ERCC4: variants seen among roughly 807,000 people sequenced by gnomAD.
The protein encoded by ERCC4 is ERCC excision repair 4, endonuclease catalytic subunit.
ERCC4 carries 65 observed loss-of-function variants against 76.9 expected under a neutral mutation model. That is an observed-to-expected ratio of 0.84 (90% CI 0.69 to 1.04). The LOEUF (loss-of-function observed/expected upper bound fraction) is 1.04. Ranked by LOEUF, ERCC4 falls within the 50% of genes least tolerant of loss-of-function variation. The probability of loss-of-function intolerance (pLI) is 0.00; values close to 1 mark genes in which losing one functional copy is unlikely to be tolerated. For missense variants in ERCC4, 1,214 were observed against 1,128.2 expected (o/e 1.08, Z -1.09); for synonymous variants, 463 against 410.1 (o/e 1.13, Z -1.56).
intron 2 of ERCC4, among the ~76,000 whole-genome samples, chr16:13,926,142 C>A (rs1050282130): frequency 3.9e-5 from 6 of 152,236 alleles, no homozygotes; most frequent in Admixed American, 2.6e-4. Flanking sequence ...TCATGACCTA[C>A]TTTGCTTTCA....
At chr16:13,945,345 C>T (rs1286639845) in intron 10 of ERCC4, among the ~76,000 whole-genome samples, 2 of 152,282 alleles carry the variant, frequency 1.3e-5, no homozygotes, top group South Asian at 2.1e-4. Flanking sequence ...GTGTCTGGTA[C>T]GCATTGCTGT....
rs1339690365 is a variant in ERCC4, at chr16:13,951,931, C to G, written c.*3584C>G. Reference sequence around the variant, plus strand: ...CAGGATGGAGTATATTAAAATTAAGCCAGGCTTTGACGTGAATTATCACTT... The same window carrying G: ...CAGGATGGAGTATATTAAAATTAAGGCAGGCTTTGACGTGAATTATCACTT... On this transcript the variant is annotated 3_prime_UTR_variant, in exon 11 of 11. Coordinates refer to ENST00000311895, the MANE Select transcript of ERCC4 (RefSeq NM_005236.3). The G allele has an allele frequency of 4.7e-5, 10 of 214,308 alleles. No homozygotes were observed. The highest frequency in any genetic ancestry group is 9.4e-6 in the Non-Finnish European group (1 of 106,320). The allele number at this position is 214,308 out of a possible 1,614,324, so 13.3% of individuals were successfully genotyped here.
rs373570729 is a variant in ERCC4 at position 13,930,716 on chromosome 16, C to T, written c.799C>T (p.Arg267Cys). The change falls in exon 5 of 11, where the codon CGC (arginine) becomes TGC (cysteine). Residue 267 changes from arginine to cysteine, a missense_variant. Arg to Cys is a radical substitution (Grantham distance 180, BLOSUM62 -3). Transcript: ENST00000311895. ...AATTTTATTCTTGTTTTAGACAATC[C>T]GCCATTATCTGGATCCTTTGTGGCA... is the stretch of plus-strand genomic sequence containing the variant. ...AIGKPFDKTI[R>C]HYLDPLWHQL... 57 of 1,612,436 alleles carry T rather than the reference C, an allele frequency of 3.5e-5. No individual in the cohort carries two copies. In the Middle Eastern group the frequency reaches 4.9e-4, roughly 14 times the overall value.
Position 13,948,509 on chromosome 16 carries a change from A to G in ERCC4, c.*162A>G, listed in dbSNP as rs998505217. The stretch of plus-strand genomic sequence containing the variant: ...GCCAGGATTCCTCTCTGAACTCTGC[A>G]GTTAGGCATCACTTGAACTTGCCTG... On this transcript the variant is annotated 3_prime_UTR_variant, in exon 11 of 11. Transcript: ENST00000311895. The G allele has an allele frequency of 1.2e-6, 1 of 820,448 alleles. No individual in the cohort carries two copies. Among genetic ancestry groups the G allele is most frequent in the African/African-American group, 1.7e-5 (1 of 58,376 alleles). The allele number at this position is 820,448 out of a possible 1,614,324, so 50.8% of individuals were successfully genotyped here. A position where few individuals can be genotyped will look rare whatever the true frequency, so the allele number is the denominator to read the frequency against.
Position 13,935,632 on chromosome 16 carries a change from C to T in ERCC4, c.1700C>T (p.Thr567Ile). 2.5e-6 allele frequency: 4 copies of T among 1,614,020 alleles called. No homozygotes were observed. Among genetic ancestry groups the T allele is most frequent in the Non-Finnish European group, 3.4e-6 (4 of 1,179,920 alleles). Residue 567 changes from threonine to isoleucine, a missense_variant, in exon 8 of 11, where the codon ACA becomes ATA. By Grantham distance (89) the Thr-to-Ile change is moderately conservative. Coordinates refer to ENST00000311895, the MANE Select transcript of ERCC4 (RefSeq NM_005236.3). ...LLGCSDPYAL[T>I]RVLHEVEPRY... ...GGTTGCAGCGACCCCTATGCTCTGA[C>T]AAGGGTACTACATGAAGTGGAGCCA... is the stretch of plus-strand genomic sequence containing the variant.
Position 13,932,592 on chromosome 16 carries a change from G to A in ERCC4, c.1102+307G>A, listed in dbSNP as rs3136124. The A allele has an allele frequency of 0.11, 50,024 of 460,612 alleles. 7,661 individuals are homozygous for A. Among genetic ancestry groups the A allele is most frequent in the African/African-American group, 0.51 (25,388 of 49,310 alleles). 28.5% of individuals were successfully genotyped at this position (460,612 alleles called of 1,614,324 possible). On this transcript the variant is annotated intron_variant, in intron 6 of 10. Coordinates refer to ENST00000311895, the MANE Select transcript of ERCC4 (RefSeq NM_005236.3). ...GAGGAGCTATATATTGATTTTTTTA[G>A]AACTTCAAAGTAATTATTATTTTTG...
In ERCC4 at chr16:13,935,565, G is replaced by C. The variant is rs773007457; in HGVS notation, c.1633G>C (p.Gly545Arg). The C allele has an allele frequency of 5.6e-6, 9 of 1,613,990 alleles. No homozygotes were observed. The Middle Eastern group carries it at 4.9e-4, about 88-fold the overall frequency. ...AAATTTGTCATCGGATGCTGCTTTC[G>C]GAATCCTGAAAGAACCCCTCACTAT... ...DVNLSSDAAF[G>R]ILKEPLTIIH... Residue 545 changes from glycine (G) to arginine (R), a missense_variant, in exon 8 of 11, where the codon GGA becomes CGA. By Grantham distance (125) the Gly-to-Arg change is moderately radical (BLOSUM62 -2). Transcript: ENST00000311895.
rs774510191 is a variant in ERCC4, at chr16:13,920,187, C to A, written c.22C>A (p.Arg8=). The A allele has an allele frequency of 1.5e-5, 24 of 1,606,158 alleles. No homozygotes were observed. The highest frequency in any genetic ancestry group is 1.9e-5 in the Non-Finnish European group (22 of 1,179,868). The change falls in exon 1 of 11, where the codon CGA becomes AGA. Residue 8 remains arginine, a synonymous_variant. Transcript: ENST00000311895. ...TTCCATGGAGTCAGGGCAGCCGGCT[C>A]GACGGATTGCCATGGCGCCGCTGCT... MESGQPA[R]RIAMAPLLEY...
intron 9 of ERCC4, 21 bp from the exon 10 acceptor site, chr16:13,944,702 T>C: frequency 6.6e-7 from 1 of 1,514,722 alleles, no homozygotes; most frequent in Non-Finnish European, 9.2e-7. Context: ...TCAGAAGTGT[T>C]GACAATGTTT....
In ERCC4 at chr16:13,951,823, C is replaced by T. The variant is rs539159846; in HGVS notation, c.*3476C>T. On this transcript the variant is annotated 3_prime_UTR_variant, in exon 11 of 11. Transcript: ENST00000311895. ...TGATTTTCCTTTGGCTCAGAAAACT[C>T]ATTTGGGGAAATTCTCTTTTGTGTT... 16 of 223,002 alleles carry T rather than the reference C, an allele frequency of 7.2e-5. 1 individual carries two copies. The highest frequency in any genetic ancestry group is 2.5e-4 in the African/African-American group (11 of 44,874). The allele number at this position is 223,002 out of a possible 1,614,324, so 13.8% of individuals were successfully genotyped here.
intron 2 of ERCC4, among the ~76,000 whole-genome samples, chr16:13,926,074 C>G (rs909396290): frequency 2.0e-5 from 3 of 152,032 alleles, no homozygotes; most frequent in Non-Finnish European, 2.9e-5. Context: ...GCCCAGACTT[C>G]TAAAATGTGG....
chr16:13,930,748 T>A lies in ERCC4; in HGVS notation c.831T>A (p.Leu277=). 6.2e-7 allele frequency: 1 copy of A among 1,614,010 alleles called. No homozygotes were observed. The highest frequency in any genetic ancestry group is 8.5e-7 in the Non-Finnish European group (1 of 1,179,876). Residue 277 remains leucine, a synonymous_variant, in exon 5 of 11, where the codon CTT becomes CTA. Transcript: ENST00000311895. ...ATCTGGATCCTTTGTGGCACCAGCT[T>A]GGAGCCAAGACTAAATCCTTAGTTC... ...RHYLDPLWHQ[L]GAKTKSLVQD... is the part of the protein sequence containing the mutation.
Position 13,930,832 on chromosome 16 carries a change from A to G in ERCC4, c.915A>G (p.Thr305=). The change falls in exon 5 of 11, where the codon ACA becomes ACG. Residue 305 remains threonine (T), a synonymous_variant. Transcript: ENST00000311895. ...LQYLSQYDCV[T]FLNLLESLRA... is the part of the protein sequence containing the mutation. Reference sequence around the variant, plus strand: ...ATCTCTCTCAGTATGATTGTGTCACATTTCTTAATCTTCTGGAATCTCTGA... The same window carrying G: ...ATCTCTCTCAGTATGATTGTGTCACGTTTCTTAATCTTCTGGAATCTCTGA... The G allele has an allele frequency of 6.2e-6, 10 of 1,613,690 alleles. No homozygotes were observed. Among genetic ancestry groups the G allele is most frequent in the Non-Finnish European group, 8.5e-6 (10 of 1,179,606 alleles).
At chr16:13,926,816 C>T in intron 3 of ERCC4, 60 bp downstream of exon 3, 1 of 1,307,756 alleles carries the variant, frequency 7.6e-7, no homozygotes, top group African/African-American at 1.4e-5. Context: ...TTTGTGAGAT[C>T]TACTGTAACT....
At position 13,942,477 on chromosome 16, in the gene ERCC4, C is replaced by A. The variant is rs3136194; in HGVS notation, c.1905-2246C>A. On this transcript the variant is annotated intron_variant, in intron 9 of 10. Transcript: ENST00000311895. ...GGATAATTAGACGAAGAGATTACCA[C>A]GTTATAAGAAAAGTACAGTAATAAT... Among the ~76,000 whole-genome samples the A allele has an allele frequency of 2.0e-4, 31 of 152,222 alleles. 1 individual carries two copies. The East Asian group carries it at 3.7e-3, about 18-fold the overall frequency.
chr16:13,922,755 G>C, intron 2 of ERCC4: 1 of 293,364 alleles, frequency 3.4e-6, no homozygotes, highest in South Asian at 3.4e-5. Flanking sequence ...CGCTCTACTA[G>C]AACCTTCTAG....
chr16:13,936,675 C>T (rs182348553), intron 8 of ERCC4, among the ~76,000 whole-genome samples: 1 of 152,246 alleles, frequency 6.6e-6, no homozygotes, highest in Admixed American at 6.5e-5. Context: ...ACTGAGTTGG[C>T]CTTGGCCACA....
At chr16:13,923,830 G>T (rs1042693185) in intron 2 of ERCC4, among the ~76,000 whole-genome samples, 2 of 152,072 alleles carry the variant, frequency 1.3e-5, no homozygotes, top group Non-Finnish European at 2.9e-5. Flanking sequence ...TTTCTTATAA[G>T]CTTGGTTTTA....
intron 9 of ERCC4, 143 bp downstream of exon 9, chr16:13,938,001 T>A (rs1301650040): frequency 1.5e-6 from 1 of 666,510 alleles, no homozygotes; most frequent in Non-Finnish European, 2.7e-6. Context: ...TGGTCTGAAT[T>A]GTCCTCCAGT....
Sources: gnomAD v4.1 joint callset for allele counts (sites outside exome capture counted in the v4.1 genomes callset) on GRCh38, gnomAD v4.1.1 for gene constraint, MANE v1.5 for transcripts, NCBI Gene and HGNC (gene_info 2026-07-23, HGNC 2026-07-21) for gene names.